The following RFT1 variants were observed in gnomAD, a reference collection of about 807,000 sequenced individuals.
RFT1 encodes man(5)GlcNAc(2)-PP-dolichol translocation protein RFT1.
In RFT1, 43 loss-of-function variants were observed where a neutral mutation model predicts 62.2. The ratio of observed to expected loss-of-function variants is 0.69; its 90% CI spans 0.54 to 0.89. The LOEUF (loss-of-function observed/expected upper bound fraction) is 0.89, where lower values mean the gene tolerates loss of function less well. Among genes scored for constraint, RFT1 ranks in the 40% least tolerant of loss-of-function variants. RFT1 has a pLI of 0.00. For synonymous variants in RFT1, 262 were observed against 264.6 expected (o/e 0.99, Z 0.10); for missense variants, 605 against 649.9 (o/e 0.93, Z 0.75).
At chr3:53,121,433 G>C (rs1701963816) in intron 5 of RFT1, among the ~76,000 whole-genome samples, 1 of 152,016 alleles carries the variant, frequency 6.6e-6, no homozygotes, top group African/African-American at 2.4e-5. Context: ...CTTGCCCACT[G>C]AATGTCTAAA....
intron 7 of RFT1, among the ~76,000 whole-genome samples, chr3:53,108,375 C>T (rs1053877184): frequency 1.3e-4 from 19 of 146,018 alleles, no homozygotes; most frequent in African/African-American, 4.8e-4. Context: ...TTAAATCAGT[C>T]TCTGCTTTCA....
At chr3:53,107,327 T>C (rs1220169603) in intron 7 of RFT1, among the ~76,000 whole-genome samples, 2 of 151,916 alleles carry the variant, frequency 1.3e-5, no homozygotes, top group African/African-American at 4.8e-5. Flanking sequence ...TTAGTAGAGA[T>C]GGGGTTTCAC....
intron 5 of RFT1, among the ~76,000 whole-genome samples, chr3:53,121,258 A>T (rs537816122): frequency 2.0e-5 from 3 of 152,308 alleles, no homozygotes; most frequent in East Asian, 3.9e-4. Flanking sequence ...TGAGATTTCA[A>T]ACTAAGTTTA....
intron 2 of RFT1, among the ~76,000 whole-genome samples, chr3:53,124,820 A>G (rs918734544): frequency 1.3e-5 from 2 of 152,038 alleles, no homozygotes; most frequent in African/African-American, 4.8e-5. Context: ...AAAAATAAAA[A>G]AATTATTCAG....
Position 53,122,532 on chromosome 3 carries a change from G to A in RFT1, c.298C>T (p.Leu100=), listed in dbSNP as rs1361901984. ...VPLGVFWSLF[L]GWIWLQLLEV... is the part of the protein sequence containing the mutation. ...AGCAGCTGCAACCAGATCCAGCCCAGGAATAAGGACCAAAACACACCCAGG... is the reference window on the plus strand; with the variant it reads ...AGCAGCTGCAACCAGATCCAGCCCAAGAATAAGGACCAAAACACACCCAGG... Residue 100 remains leucine, a synonymous_variant, in exon 4 of 13, where the codon CTG becomes TTG. Transcript: ENST00000296292. 2 of 1,612,532 alleles carry A rather than the reference G, an allele frequency of 1.2e-6. No individual in the cohort carries two copies. Among genetic ancestry groups the A allele is most frequent in the Non-Finnish European group, 8.5e-7 (1 of 1,179,368 alleles).
intron 6 of RFT1, among the ~76,000 whole-genome samples, chr3:53,118,688 G>A (rs1468039468): frequency 1.3e-5 from 2 of 152,264 alleles, no homozygotes; most frequent in Admixed American, 1.3e-4. Flanking sequence ...CCAGAATGGA[G>A]GAGCTCATGA....
intron 2 of RFT1, 23 bp from the exon 3 acceptor site, chr3:53,123,863 A>G: frequency 1.3e-6 from 2 of 1,578,728 alleles, no homozygotes; most frequent in South Asian, 1.1e-5. Context: ...GGGAGAAATC[A>G]ATAAGGTCTC....
In RFT1 at chr3:53,089,259, A is replaced by C. The variant is rs2107060958; in HGVS notation, c.*2644T>G. On this transcript the variant is annotated 3_prime_UTR_variant, in exon 13 of 13. Coordinates refer to ENST00000296292, the MANE Select transcript of RFT1 (RefSeq NM_052859.4). ...AGTTGCCATCAGGTAAGCATTAAAC[A>C]GCACAGCAGCAGCTCCTCACTGAGA... 1 of 152,480 alleles carries C rather than the reference A, an allele frequency of 6.6e-6. No homozygotes were observed. The highest frequency in any genetic ancestry group is 1.5e-5 in the Non-Finnish European group (1 of 68,258). The allele number at this position is 152,480 out of a possible 1,614,324, so 9.4% of individuals were successfully genotyped here.
the RFT1 span, among the ~76,000 whole-genome samples, chr3:53,076,424 A>T: frequency 6.6e-6 from 1 of 152,234 alleles, no homozygotes; most frequent in Non-Finnish European, 1.5e-5. Context: ...TATAAAGTAC[A>T]AATATAAAAA....
downstream of RFT1, chr3:53,085,964 T>A (rs183231011): frequency 3.9e-4 from 59 of 152,328 alleles, no homozygotes; most frequent in East Asian, 0.01. Context: ...ACCCAGACAG[T>A]TCTGGTTAAA....
downstream of RFT1, among the ~76,000 whole-genome samples, chr3:53,083,902 C>A (rs1417898289): frequency 6.6e-6 from 1 of 152,242 alleles, no homozygotes; most frequent in Non-Finnish European, 1.5e-5. Flanking sequence ...ACCTTCAGCT[C>A]TAGTTCAGGA....
chr3:53,125,941 C>G lies in RFT1; in HGVS notation c.117G>C (p.Leu39=). ...TTACTACGCCAACGATTTCCTTTGA[C>G]AGGAAGCGAAGAATAAATGCATTCA... ...FVLNAFILRF[L]SKEIVGVVNV... The change falls in exon 2 of 13, where the codon CTG becomes CTC. Residue 39 remains leucine (L), a synonymous_variant. Coordinates refer to ENST00000296292, the MANE Select transcript of RFT1 (RefSeq NM_052859.4). The G allele has an allele frequency of 6.2e-7, 1 of 1,613,874 alleles. No individual in the cohort carries two copies. Among genetic ancestry groups the G allele is most frequent in the South Asian group, 1.1e-5 (1 of 91,044 alleles).
chr3:53,083,227 A>C, the RFT1 span, among the ~76,000 whole-genome samples: 2 of 137,280 alleles, frequency 1.5e-5, no homozygotes, highest in Admixed American at 1.5e-4. Context: ...AAAAAAAGAC[A>C]CAGGCTGGGA....
chr3:53,120,163 C>T, intron 5 of RFT1, 142 bp from the exon 6 acceptor site: 1 of 675,796 alleles, frequency 1.5e-6, no homozygotes, highest in Non-Finnish European at 2.4e-6. Flanking sequence ...TGGGAAATGG[C>T]ACTAGTCACT....
At chr3:53,093,169 C>T (rs970103149) in intron 11 of RFT1, among the ~76,000 whole-genome samples, 8 of 152,176 alleles carry the variant, frequency 5.3e-5, no homozygotes, top group African/African-American at 1.9e-4. Context: ...ATGCAGCACC[C>T]AGTAACCTTG....
intron 11 of RFT1, among the ~76,000 whole-genome samples, chr3:53,098,610 G>A (rs1297785141): frequency 6.6e-6 from 1 of 151,966 alleles, no homozygotes; most frequent in East Asian, 1.9e-4. Flanking sequence ...AGACCAACCT[G>A]GCTGACACGG....
chr3:53,071,718 A>G, the RFT1 span, among the ~76,000 whole-genome samples: 1 of 152,212 alleles, frequency 6.6e-6, no homozygotes, highest in African/African-American at 2.4e-5. Flanking sequence ...GGGACAACCA[A>G]AATCAGCCTC....
At chr3:53,081,063 G>A in the RFT1 span, among the ~76,000 whole-genome samples, 34 of 152,360 alleles carry the variant, frequency 2.2e-4, 1 homozygote, top group African/African-American at 6.7e-4. Context: ...TGACACAGGC[G>A]AGTGCCTCCC....
chr3:53,098,798 T>A (rs1701225827), intron 11 of RFT1, among the ~76,000 whole-genome samples: 1 of 43,348 alleles, frequency 2.3e-5, no homozygotes, highest in Admixed American at 4.4e-4. Flanking sequence ...CGAGACTCCA[T>A]CTCAAAAAAA....
Sources: gnomAD v4.1 joint callset for allele counts (sites outside exome capture counted in the v4.1 genomes callset) on GRCh38, gnomAD v4.1.1 for gene constraint, MANE v1.5 for transcripts, NCBI Gene and HGNC (gene_info 2026-07-23, HGNC 2026-07-21) for gene names.